Variants in TPRKB observed in about 807,000 individuals in gnomAD.
The protein encoded by TPRKB is TP53RK binding protein.
TPRKB carries 11 observed loss-of-function variants against 17.8 expected under a neutral mutation model. The observed-to-expected ratio is 0.62, with a 90% CI of 0.39 to 1.02. The LOEUF (loss-of-function observed/expected upper bound fraction) is 1.02. Ranked by LOEUF, TPRKB falls within the 50% of genes least tolerant of loss-of-function variation. The probability of loss-of-function intolerance (pLI) is 0.00; values close to 1 mark genes in which losing one functional copy is unlikely to be tolerated. For missense variants in TPRKB, 228 were observed against 198.0 expected (o/e 1.15, Z -0.91); for synonymous variants, 71 against 69.5 (o/e 1.02, Z -0.11).
At chr2:73,730,840 T>C (rs1263726663) in intron 3 of TPRKB, 104 bp from the exon 4 acceptor site, 5 of 797,602 alleles carry the variant, frequency 6.3e-6, no homozygotes, top group East Asian at 3.1e-5. Context: ...GGCTCTTATT[T>C]TTCATGTCCT....
Position 73,729,901 on chromosome 2 carries a change from TTTTC to T in TPRKB, c.*38_*41del. The T allele has an allele frequency of 6.8e-7, 1 of 1,474,476 alleles. No homozygotes were observed. Among genetic ancestry groups the T allele is most frequent in the Non-Finnish European group, 9.1e-7 (1 of 1,097,968 alleles). The allele number at this position is 1,474,476 out of a possible 1,614,324, so 91.3% of individuals were successfully genotyped here. ...TATAGTCAGGAAAGGAAAATCAATG[TTTTC>T]TTTAATGCTGAGAATTTTTGTTAAT... On this transcript the variant is annotated 3_prime_UTR_variant, in exon 5 of 5. Transcript: ENST00000272424.
chr2:73,733,754 C>A (rs922236936), intron 2 of TPRKB, among the ~76,000 whole-genome samples: 6 of 151,858 alleles, frequency 4.0e-5, no homozygotes, highest in Admixed American at 3.9e-4. Flanking sequence ...GATTTTTAGG[C>A]TACCCTATAA....
intron 1 of TPRKB, among the ~76,000 whole-genome samples, chr2:73,736,914 C>T (rs1229510874): frequency 1.3e-5 from 2 of 152,148 alleles, no homozygotes; most frequent in Non-Finnish European, 2.9e-5. Flanking sequence ...CAACCTTTCT[C>T]CCCGATTCTG....
chr2:73,736,421 A>C (rs1671882201), intron 1 of TPRKB, among the ~76,000 whole-genome samples: 1 of 152,208 alleles, frequency 6.6e-6, no homozygotes, highest in African/African-American at 2.4e-5. Flanking sequence ...CACACAAAAC[A>C]TGAGTACACA....
chr2:73,735,223 T>C (rs2103867779), intron 1 of TPRKB, among the ~76,000 whole-genome samples: 1 of 151,862 alleles, frequency 6.6e-6, no homozygotes, highest in South Asian at 2.1e-4. Flanking sequence ...TCCCAGCTAC[T>C]CAGGAGGCTG....
intron 2 of TPRKB, among the ~76,000 whole-genome samples, chr2:73,733,808 T>C (rs1240929156): frequency 2.0e-5 from 3 of 147,702 alleles, no homozygotes; most frequent in Non-Finnish European, 4.4e-5. Flanking sequence ...GTATGGCTCA[T>C]TCATTCTTTT....
chr2:73,734,248 G>A (rs1025762895), intron 2 of TPRKB, among the ~76,000 whole-genome samples, 181 bp downstream of exon 2: 10 of 150,212 alleles, frequency 6.7e-5, no homozygotes, highest in East Asian at 3.9e-4. Flanking sequence ...ATAGGCGCCC[G>A]CCACCACGCC....
At chr2:73,732,470 G>A in intron 2 of TPRKB, 185 bp from the exon 3 acceptor site, 1 of 613,236 alleles carries the variant, frequency 1.6e-6, no homozygotes, top group Non-Finnish European at 2.7e-6. Context: ...CTAGCACTTT[G>A]GGAGGCCAAG....
At chr2:73,736,432 T>C (rs1671883084) in intron 1 of TPRKB, among the ~76,000 whole-genome samples, 1 of 152,096 alleles carries the variant, frequency 6.6e-6, no homozygotes, top group Non-Finnish European at 1.5e-5. Context: ...TGAGTACACA[T>C]AATAAGAAAG....
chr2:73,732,283 A>C lies in TPRKB; in HGVS notation c.144T>G (p.Ile48Met). ...CCACAAGTATCTGAAATGGATCAAC[A>C]ATCTACCAAAGCAAGGAAAAAGAAT... is the stretch of plus-strand genomic sequence containing the variant. ...IDGSLINPTV[I>M]VDPFQILVAA... Residue 48 changes from isoleucine to methionine, a missense_variant and splice_region_variant, in exon 3 of 5, where the codon ATT (isoleucine) becomes ATG (methionine). Transcript: ENST00000272424. 1.9e-6 allele frequency: 3 copies of C among 1,611,086 alleles called. No homozygotes were observed. The highest frequency in any genetic ancestry group is 2.5e-6 in the Non-Finnish European group (3 of 1,179,286).
At chr2:73,735,294 T>C (rs941577945) in intron 1 of TPRKB, among the ~76,000 whole-genome samples, 3 of 151,412 alleles carry the variant, frequency 2.0e-5, no homozygotes, top group Non-Finnish European at 4.4e-5. Context: ...ATCATACCAT[T>C]GCACCCCAGC....
intron 1 of TPRKB, among the ~76,000 whole-genome samples, chr2:73,735,795 C>T (rs1671851549): frequency 6.6e-6 from 1 of 152,108 alleles, no homozygotes; most frequent in Non-Finnish European, 1.5e-5. Context: ...CTCATTTTAT[C>T]CTTTTACCTG....
rs1442422664 is a variant in TPRKB, at chr2:73,730,688, T to C, written c.313A>G (p.Ile105Val). The change falls in exon 4 of 5, where the codon ATT becomes GTT. Residue 105 changes from isoleucine to valine, a missense_variant. Physicochemically the swap from Ile to Val is conservative, Grantham distance 29. Coordinates refer to ENST00000272424, the MANE Select transcript of TPRKB (RefSeq NM_016058.5). Reference protein sequence around the residue: ...KFGISANDTSILIVYIEEGEK... With the variant: ...KFGISANDTSVLIVYIEEGEK... ...CCCTCTTCAATGTAAACAATTAGAA[T>C]TGAAGTGTCATTTGCTGAGATACCA... 3 of 1,562,770 alleles carry C rather than the reference T, an allele frequency of 1.9e-6. No individual in the cohort carries two copies. The highest frequency in any genetic ancestry group is 2.4e-5 in the East Asian group (1 of 41,320).
rs374962353 is a variant in TPRKB, at chr2:73,730,644, T to C, written c.357A>G (p.Gln119=). The C allele has an allele frequency of 2.5e-6, 4 of 1,593,030 alleles. No homozygotes were observed. The African/African-American group carries it at 5.4e-5, about 22-fold the overall frequency. The change falls in exon 4 of 5, where the codon CAA becomes CAG. Residue 119 remains glutamine, a synonymous_variant. Coordinates refer to ENST00000272424, the MANE Select transcript of TPRKB (RefSeq NM_016058.5). ...CTTCTACTTGAGATATTAGGTATTC[T>C]TGATTTATTTGTTTTTCTCCCTCTT... is the stretch of plus-strand genomic sequence containing the variant. ...YIEEGEKQIN[Q]EYLISQVEGH... is the part of the protein sequence containing the mutation.
intron 2 of TPRKB, among the ~76,000 whole-genome samples, chr2:73,734,023 G>C (rs776000218): frequency 4.0e-5 from 6 of 151,894 alleles, no homozygotes; most frequent in Middle Eastern, 3.4e-3. Context: ...GGCCAGGCTG[G>C]TCTCAAACTC....
chr2:73,730,148 C>A, intron 4 of TPRKB, 119 bp from the exon 5 acceptor site: 2 of 1,177,580 alleles, frequency 1.7e-6, no homozygotes, highest in Non-Finnish European at 2.3e-6. Context: ...CATGGTATAA[C>A]AAACAACAAA....
At position 73,732,386 on chromosome 2, in the gene TPRKB, T is replaced by C. The variant is rs972285413; in HGVS notation, c.142-101A>G. 4.0e-6 allele frequency: 5 copies of C among 1,264,140 alleles called. No homozygotes were observed. The African/African-American group carries it at 6.1e-5, about 15-fold the overall frequency. 78.3% of individuals were successfully genotyped at this position (1,264,140 alleles called of 1,614,324 possible). On this transcript the variant is annotated intron_variant, in intron 2 of 4. Coordinates refer to ENST00000272424, the MANE Select transcript of TPRKB (RefSeq NM_016058.5). ...TAACTCCAGTGTCAAGCTGTTTTAC[T>C]TCATCACAATTCTTACGGTCTGTAT...
At chr2:73,737,111 T>G (rs1300224515) in intron 1 of TPRKB, among the ~76,000 whole-genome samples, 191 bp downstream of exon 1, 1 of 152,328 alleles carries the variant, frequency 6.6e-6, no homozygotes, top group South Asian at 2.1e-4. Context: ...GCCTATCCGC[T>G]GCATGTCTCC....
chr2:73,732,730 A>T (rs1234618096), intron 2 of TPRKB: 2 of 155,522 alleles, frequency 1.3e-5, no homozygotes, highest in Non-Finnish European at 2.8e-5. Flanking sequence ...AACAAAAAAC[A>T]ACTATTATCC....
Sources: gnomAD v4.1 joint callset for allele counts (sites outside exome capture counted in the v4.1 genomes callset) on GRCh38, gnomAD v4.1.1 for gene constraint, MANE v1.5 for transcripts, NCBI Gene and HGNC (gene_info 2026-07-23, HGNC 2026-07-21) for gene names.